Variants in RHBDD1 observed in about 807,000 individuals in gnomAD.
The protein encoded by RHBDD1 is rhomboid domain containing 1.
A neutral mutation model predicts 36.3 loss-of-function variants in RHBDD1; 38 were observed. The ratio of observed to expected loss-of-function variants is 1.05; its 90% CI spans 0.81 to 1.37. RHBDD1 has a LOEUF of 1.37. Among genes scored for constraint, RHBDD1 ranks in the 40% most tolerant of loss-of-function variants. RHBDD1 has a pLI of 0.00. For synonymous variants in RHBDD1, 151 were observed against 136.5 expected, an observed-to-expected ratio of 1.11 and a Z score of -0.74; for missense variants, 393 against 377.6, an observed-to-expected ratio of 1.04 and a Z score of -0.34.
chr2:226,900,578 A>G (rs1313456254), intron 5 of RHBDD1, among the ~76,000 whole-genome samples: 2 of 152,210 alleles, frequency 1.3e-5, no homozygotes, highest in Admixed American at 6.5e-5. Context: ...TGTTAATTGA[A>G]CATATATTTT....
intron 8 of RHBDD1, among the ~76,000 whole-genome samples, chr2:226,957,741 T>C (rs1285508389): frequency 6.6e-6 from 1 of 152,176 alleles, no homozygotes; most frequent in African/African-American, 2.4e-5. Flanking sequence ...ATGATCTGAA[T>C]AGACATTTAT....
intron 8 of RHBDD1, among the ~76,000 whole-genome samples, chr2:226,939,067 A>G (rs1378542503): frequency 2.0e-5 from 3 of 152,256 alleles, no homozygotes; most frequent in African/African-American, 4.8e-5. Context: ...GGCTTTCAAT[A>G]AAATTCAACA....
intron 8 of RHBDD1, among the ~76,000 whole-genome samples, chr2:226,930,267 G>T (rs1559284311): frequency 6.6e-6 from 1 of 152,010 alleles, no homozygotes; most frequent in Non-Finnish European, 1.5e-5. Flanking sequence ...ACACTACAAG[G>T]ATGTAGTAAC....
chr2:226,969,039 C>T (rs1194919781), intron 8 of RHBDD1: 13 of 209,020 alleles, frequency 6.2e-5, no homozygotes, highest in Admixed American at 3.0e-4. Flanking sequence ...AAAGCCAAGC[C>T]GGGATAAACA....
intron 8 of RHBDD1, among the ~76,000 whole-genome samples, chr2:226,927,853 C>T (rs1043728648): frequency 6.6e-6 from 1 of 152,036 alleles, no homozygotes; most frequent in Admixed American, 6.6e-5. Context: ...TGAATAAAAG[C>T]GCTTCATAAG....
intron 3 of RHBDD1, among the ~76,000 whole-genome samples, chr2:226,840,030 G>A (rs1162012575): frequency 2.0e-5 from 3 of 152,074 alleles, no homozygotes. Flanking sequence ...TTAATAATGA[G>A]CCTTCATAAG....
intron 5 of RHBDD1, among the ~76,000 whole-genome samples, chr2:226,897,486 T>C (rs1490628376): frequency 6.6e-6 from 1 of 152,132 alleles, no homozygotes; most frequent in African/African-American, 2.4e-5. Flanking sequence ...AATACCTGAA[T>C]CTGGGTAATT....
intron 3 of RHBDD1, among the ~76,000 whole-genome samples, chr2:226,845,738 G>A (rs545293178): frequency 2.6e-5 from 4 of 152,288 alleles, no homozygotes; most frequent in South Asian, 4.1e-4. Flanking sequence ...ACAGCCTTTC[G>A]TGTTAAATTC....
chr2:226,822,205 C>T, the RHBDD1 span, among the ~76,000 whole-genome samples: 1 of 152,226 alleles, frequency 6.6e-6, no homozygotes, highest in Non-Finnish European at 1.5e-5. Context: ...CCTGACTCTT[C>T]TAGTCCCACT....
intron 3 of RHBDD1, among the ~76,000 whole-genome samples, chr2:226,851,818 T>C (rs539204344): frequency 1.2e-4 from 19 of 152,326 alleles, no homozygotes; most frequent in African/African-American, 4.3e-4. Flanking sequence ...TTCCTCAGCC[T>C]TTTGCCTTTA....
chr2:226,917,844 A>T (rs1454838558), intron 8 of RHBDD1, among the ~76,000 whole-genome samples: 1 of 152,026 alleles, frequency 6.6e-6, no homozygotes, highest in African/African-American at 2.4e-5. Context: ...AGGATTTTGA[A>T]TTACGGTGAA....
chr2:226,938,942 G>A (rs1048247573), intron 8 of RHBDD1, among the ~76,000 whole-genome samples: 2 of 152,098 alleles, frequency 1.3e-5, no homozygotes, highest in African/African-American at 2.4e-5. Context: ...GGATCAAGTA[G>A]GCTTCATCTC....
At chr2:226,923,998 C>A (rs1949505810) in intron 8 of RHBDD1, among the ~76,000 whole-genome samples, 1 of 152,132 alleles carries the variant, frequency 6.6e-6, no homozygotes, top group Admixed American at 6.5e-5. Context: ...ATGCTCTACC[C>A]TGCTGTGGCC....
chr2:226,914,783 G>A (rs1050220140), intron 8 of RHBDD1: 2 of 153,372 alleles, frequency 1.3e-5, no homozygotes, highest in Non-Finnish European at 2.9e-5. Flanking sequence ...GCTCAGATTT[G>A]ACTTCTGCTG....
At chr2:226,908,753 A>G in intron 6 of RHBDD1, 69 bp from the exon 7 acceptor site, 2 of 1,044,538 alleles carry the variant, frequency 1.9e-6, no homozygotes, top group Non-Finnish European at 3.0e-6. Flanking sequence ...AGAACTTTCT[A>G]ATTACTGGAA....
rs747540817 is a variant in RHBDD1 at position 226,861,718 on chromosome 2, TTCTG to T, written c.-90-2884_-90-2881del. ...TGTTTGATATATGTAACATAAATAT[TTCTG>T]TGTGTGTGTGTGGGCACACGTGTGC... is the stretch of plus-strand genomic sequence containing the variant. On this transcript the variant is annotated intron_variant, in intron 3 of 8. Transcript: ENST00000392062. 1.1e-3 allele frequency among the ~76,000 whole-genome samples: 168 copies of T among 152,358 alleles called. 1 individual carries two copies. The highest frequency in any genetic ancestry group is 2.0e-3 in the Non-Finnish European group (139 of 68,040).
the RHBDD1 span, among the ~76,000 whole-genome samples, chr2:226,801,358 A>G: frequency 1.3e-5 from 2 of 152,186 alleles, no homozygotes; most frequent in Middle Eastern, 3.2e-3. Context: ...GTACCAAGGT[A>G]GGTTGCAAAG....
intron 5 of RHBDD1, among the ~76,000 whole-genome samples, chr2:226,879,269 C>T (rs1945510024): frequency 1.3e-5 from 2 of 152,112 alleles, no homozygotes; most frequent in African/African-American, 4.8e-5. Context: ...TTAAGCTAGA[C>T]TTAAATATGT....
chr2:226,904,732 CAA>C (rs1274902670), intron 5 of RHBDD1, among the ~76,000 whole-genome samples: 2 of 152,120 alleles, frequency 1.3e-5, no homozygotes, highest in African/African-American at 4.8e-5. Context: ...AGCTTGGAGA[CAA>C]AGAAAATTAC....
Sources: allele counts gnomAD v4.1 joint callset (sites outside exome capture counted in the v4.1 genomes callset), GRCh38; gene constraint gnomAD v4.1.1; transcripts MANE v1.5; gene names NCBI Gene and HGNC (gene_info 2026-07-23, HGNC 2026-07-21).